AHR: variants seen among roughly 807,000 people sequenced by gnomAD.
The protein encoded by AHR is aryl hydrocarbon receptor.
Under a neutral mutation model 86.8 loss-of-function variants are expected in AHR, and 40 were observed. The ratio of observed to expected loss-of-function variants is 0.46; its 90% CI spans 0.36 to 0.60. The LOEUF (loss-of-function observed/expected upper bound fraction) is 0.60. Among genes scored for constraint, AHR ranks in the 20% least tolerant of loss-of-function variants. The pLI is 0.00. For missense variants in AHR, 1,001 were observed against 1,011.6 expected (o/e 0.99, Z 0.14); for synonymous variants, 398 against 354.9 (o/e 1.12, Z -1.37).
Position 17,339,867 on chromosome 7 carries a change from T to A in AHR, c.2042T>A (p.Ile681Asn), listed in dbSNP as rs758205943. The change falls in exon 10 of 11, where the codon ATC becomes AAC. Residue 681 changes from isoleucine (I) to asparagine (N), a missense_variant. By Grantham distance (149) the Ile-to-Asn change is moderately radical (BLOSUM62 -3). Coordinates refer to ENST00000242057, the MANE Select transcript of AHR (RefSeq NM_001621.5). ...AATGTCTTTACAGACTTACATGGGA[T>A]CAGTCAAGAGTTCCCCTACAAATCT... ...QYNVFTDLHG[I>N]SQEFPYKSEM... The A allele has an allele frequency of 1.2e-6, 2 of 1,614,190 alleles. No individual in the cohort carries two copies. The highest frequency in any genetic ancestry group is 8.5e-7 in the Non-Finnish European group (1 of 1,180,008).
chr7:17,322,327 G>A (rs939231959), intron 2 of AHR, among the ~76,000 whole-genome samples, 174 bp from the exon 3 acceptor site: 1 of 151,948 alleles, frequency 6.6e-6, no homozygotes, highest in Non-Finnish European at 1.5e-5. Flanking sequence ...GCTACCCACT[G>A]GCAACAGGAT....
intron 6 of AHR, 105 bp from the exon 7 acceptor site, chr7:17,333,807 G>T: frequency 1.2e-6 from 1 of 811,094 alleles, no homozygotes; most frequent in Non-Finnish European, 1.9e-6. Context: ...AATATTTATG[G>T]AATTATCAAG....
chr7:17,306,688 G>C (rs1782009468), intron 1 of AHR, among the ~76,000 whole-genome samples: 2 of 151,932 alleles, frequency 1.3e-5, no homozygotes. Context: ...TTGTTCTTCT[G>C]AGCTACAAAT....
intron 1 of AHR, among the ~76,000 whole-genome samples, chr7:17,300,551 A>T (rs982642314): frequency 6.6e-6 from 1 of 152,202 alleles, no homozygotes; most frequent in Non-Finnish European, 1.5e-5. Flanking sequence ...ATGAATTGGC[A>T]TTAACAGAGG....
intron 3 of AHR, among the ~76,000 whole-genome samples, chr7:17,325,318 C>T (rs1782216858): frequency 6.6e-6 from 1 of 152,118 alleles, no homozygotes. Flanking sequence ...ATCCTTCTGT[C>T]TTCTGGCATG....
At chr7:17,305,877 A>G (rs1010375381) in intron 1 of AHR, among the ~76,000 whole-genome samples, 2 of 152,186 alleles carry the variant, frequency 1.3e-5, no homozygotes, top group Non-Finnish European at 2.9e-5. Context: ...CTTTCAAGAT[A>G]GCATTCAGAC....
At chr7:17,333,882 G>T in intron 6 of AHR, 30 bp from the exon 7 acceptor site, 1 of 1,578,894 alleles carries the variant, frequency 6.3e-7, no homozygotes, top group South Asian at 1.1e-5. Flanking sequence ...TAATTTTAAT[G>T]AACTTTTTTG....
chr7:17,329,880 G>A lies in AHR; in HGVS notation c.451-72G>A, dbSNP rs1584038846. On this transcript the variant is annotated intron_variant, in intron 4 of 10. Coordinates refer to ENST00000242057, the MANE Select transcript of AHR (RefSeq NM_001621.5). ...TAGCAAGCACCCACTAATCTAAATA[G>A]GCTTTAAAATTAATTTAGCCATATT... 8 of 1,389,686 alleles carry A rather than the reference G, an allele frequency of 5.8e-6. No individual in the cohort carries two copies. The East Asian group carries it at 1.7e-4, about 29-fold the overall frequency. 86.1% of individuals were successfully genotyped at this position (1,389,686 alleles called of 1,614,324 possible). A position where few individuals can be genotyped will look rare whatever the true frequency, so the allele number is the denominator to read the frequency against.
chr7:17,298,930 C>A lies in AHR; in HGVS notation c.-335C>A. The stretch of plus-strand genomic sequence containing the variant: ...TCTAAATAGACGGCCCAGGCTCCTC[C>A]TCCGCCCGGGCCGCCTCACCTGCGG... On this transcript the variant is annotated 5_prime_UTR_variant, in exon 1 of 11. Coordinates refer to ENST00000242057, the MANE Select transcript of AHR (RefSeq NM_001621.5). 1 of 434,580 alleles carries A rather than the reference C, an allele frequency of 2.3e-6. No homozygotes were observed. The allele number at this position is 434,580 out of a possible 1,614,324, so 26.9% of individuals were successfully genotyped here. A position where few individuals can be genotyped will look rare whatever the true frequency, so the allele number is the denominator to read the frequency against.
intron 1 of AHR, among the ~76,000 whole-genome samples, chr7:17,306,656 C>T (rs1263809578): frequency 6.6e-6 from 1 of 152,112 alleles, no homozygotes; most frequent in African/African-American, 2.4e-5. Flanking sequence ...TTTTCTGGTA[C>T]AGCTCTCATT....
chr7:17,323,349 A>G (rs1013340527), intron 3 of AHR, among the ~76,000 whole-genome samples: 10 of 152,104 alleles, frequency 6.6e-5, no homozygotes. Context: ...TATTTTAGCA[A>G]CTGTTTGTGA....
intron 3 of AHR, 32 bp from the exon 4 acceptor site, chr7:17,327,727 A>G (rs1337756874): frequency 1.6e-6 from 2 of 1,245,558 alleles, no homozygotes; most frequent in Non-Finnish European, 2.3e-6. Flanking sequence ...ATTAAGTCAT[A>G]TTACTAATTT....
At chr7:17,335,320 T>A (rs1782343562) in intron 8 of AHR, among the ~76,000 whole-genome samples, 1 of 152,098 alleles carries the variant, frequency 6.6e-6, no homozygotes, top group South Asian at 2.1e-4. Context: ...AATTCTAGTT[T>A]AAAATTATAA....
chr7:17,330,197 T>C lies in AHR; in HGVS notation c.574+122T>C, dbSNP rs890501891. On this transcript the variant is annotated intron_variant, in intron 5 of 10. Transcript: ENST00000242057. ...AGGGAAGTAGTGGAAAGATGTAAAG[T>C]CTGCAATCATAGGCCACAGCTAGGT... The C allele has an allele frequency of 6.5e-5, 63 of 971,874 alleles. No homozygotes were observed. In the Middle Eastern group the frequency reaches 7.1e-4, roughly 11 times the overall value. 60.2% of individuals were successfully genotyped at this position (971,874 alleles called of 1,614,324 possible). A position where few individuals can be genotyped will look rare whatever the true frequency, so the allele number is the denominator to read the frequency against.
intron 2 of AHR, among the ~76,000 whole-genome samples, chr7:17,312,294 T>C (rs1263377133): frequency 6.6e-6 from 1 of 152,218 alleles, no homozygotes; most frequent in Non-Finnish European, 1.5e-5. Context: ...AAAGCTTTAT[T>C]GACTTGAGTC....
chr7:17,329,089 C>T (rs746586962), intron 4 of AHR, among the ~76,000 whole-genome samples: 2 of 151,858 alleles, frequency 1.3e-5, no homozygotes, highest in Non-Finnish European at 2.9e-5. Context: ...CTCGCATATA[C>T]ACATGGATTT....
At chr7:17,330,624 T>G in intron 5 of AHR, 132 bp from the exon 6 acceptor site, 1 of 714,982 alleles carries the variant, frequency 1.4e-6, no homozygotes, top group Non-Finnish European at 2.0e-6. Context: ...TGTCATTAGC[T>G]CTTTTGAAAA....
rs752060239 is a variant in AHR at position 17,322,659 on chromosome 7, A to G, written c.360+52A>G. On this transcript the variant is annotated intron_variant, in intron 3 of 10. Coordinates refer to ENST00000242057, the MANE Select transcript of AHR (RefSeq NM_001621.5). ...ACACTAAGGACAGTTGTAAATGGAA[A>G]ATGAATTAATAAGTCTTTTAGTAAT... is the stretch of plus-strand genomic sequence containing the variant. 1.0e-5 allele frequency: 12 copies of G among 1,181,736 alleles called. No homozygotes were observed. The South Asian group carries it at 1.5e-4, about 15-fold the overall frequency. 73.2% of individuals were successfully genotyped at this position (1,181,736 alleles called of 1,614,324 possible).
rs1379354274 is a variant in AHR at position 17,340,101 on chromosome 7, T to C, written c.2276T>C (p.Ile759Thr). The C allele has an allele frequency of 3.7e-6, 6 of 1,614,090 alleles. No individual in the cohort carries two copies. Among genetic ancestry groups the C allele is most frequent in the Middle Eastern group, 1.6e-4 (1 of 6,084 alleles). The change falls in exon 10 of 11, where the codon ATA becomes ACA. Residue 759 changes from isoleucine (I) to threonine (T), a missense_variant. By Grantham distance (89) the Ile-to-Thr change is moderately conservative. Transcript: ENST00000242057. ...GGATTAAATCCACAGTCAGCCATAA[T>C]AACTCCTCAGACATGTTATGCTGGG... ...KHGLNPQSAI[I>T]TPQTCYAGAV...
Sources: allele counts gnomAD v4.1 joint callset (sites outside exome capture counted in the v4.1 genomes callset), GRCh38; gene constraint gnomAD v4.1.1; transcripts MANE v1.5; gene names NCBI Gene and HGNC (gene_info 2026-07-23, HGNC 2026-07-21).